WDR7: variants seen among roughly 807,000 people sequenced by gnomAD.
WDR7 encodes WD repeat domain 7.
In WDR7, 46 loss-of-function variants were observed where a neutral mutation model predicts 169.4. That is an observed-to-expected ratio of 0.27 (90% CI 0.21 to 0.35). WDR7 has a LOEUF of 0.35. Ranked by LOEUF, WDR7 falls within the 10% of genes least tolerant of loss-of-function variation. The pLI, the probability that WDR7 is intolerant of heterozygous loss-of-function variation, is 1.00. For missense variants in WDR7, 1,534 were observed against 1,859.3 expected, an observed-to-expected ratio of 0.83 and a Z score of 3.22; for synonymous variants, 612 against 666.8, an observed-to-expected ratio of 0.92 and a Z score of 1.27.
intron 26 of WDR7, among the ~76,000 whole-genome samples, chr18:56,967,478 A>C (rs1013043546): frequency 2.0e-5 from 3 of 152,086 alleles, no homozygotes. Flanking sequence ...TGCTAAGCAG[A>C]TGAATTAGGG....
chr18:57,027,148 T>A lies in WDR7; in HGVS notation c.4414T>A (p.Ser1472Thr). ...ALKLARLIWT[S>T]NRNVILMAHD... ...CAAGCTGGCCCGGCTCATCTGGACT[T>A]CCAACCGCAACGTCATCCTCATGGC... The change falls in exon 28 of 28, where the codon TCC becomes ACC. Residue 1472 changes from serine to threonine, a missense_variant. By Grantham distance (58) the Ser-to-Thr change is moderately conservative (BLOSUM62 1). Transcript: ENST00000254442. 2.4e-5 allele frequency: 39 copies of A among 1,614,170 alleles called. No individual in the cohort carries two copies. Among genetic ancestry groups the A allele is most frequent in the Non-Finnish European group, 3.1e-5 (37 of 1,180,024 alleles).
chr18:56,976,618 C>T (rs1253479865), intron 26 of WDR7, among the ~76,000 whole-genome samples: 1 of 152,166 alleles, frequency 6.6e-6, no homozygotes, highest in South Asian at 2.1e-4. Flanking sequence ...GCAGGACCAC[C>T]TCAGGGTACA....
At chr18:56,785,689 A>G (rs116962680) in intron 19 of WDR7, among the ~76,000 whole-genome samples, 1 of 152,318 alleles carries the variant, frequency 6.6e-6, no homozygotes, top group Non-Finnish European at 1.5e-5. Context: ...CTAAGATGAT[A>G]AAGCATCTGG....
intron 19 of WDR7, among the ~76,000 whole-genome samples, chr18:56,798,892 G>T (rs990436156): frequency 1.3e-5 from 2 of 152,130 alleles, no homozygotes; most frequent in East Asian, 1.9e-4. Flanking sequence ...AATAATAAAA[G>T]ATTAAAACAA....
chr18:56,768,625 A>C (rs573776423), intron 16 of WDR7, among the ~76,000 whole-genome samples: 3 of 152,222 alleles, frequency 2.0e-5, no homozygotes, highest in Admixed American at 1.3e-4. Flanking sequence ...GTTGTCTAAT[A>C]TTTCAGCAGT....
chr18:56,939,979 G>C (rs1024083295), intron 25 of WDR7, among the ~76,000 whole-genome samples: 1 of 151,302 alleles, frequency 6.6e-6, no homozygotes, highest in African/African-American at 2.4e-5. Context: ...TAGCATGAAG[G>C]GGTATTTTTA....
intron 20 of WDR7, among the ~76,000 whole-genome samples, chr18:56,837,111 C>T (rs2045408110): frequency 6.6e-6 from 1 of 152,188 alleles, no homozygotes; most frequent in Admixed American, 6.5e-5. Flanking sequence ...AAAAGTCACT[C>T]ACATTTTAAC....
chr18:56,922,424 A>T (rs1446938793), intron 21 of WDR7, among the ~76,000 whole-genome samples: 1 of 152,240 alleles, frequency 6.6e-6, no homozygotes, highest in Non-Finnish European at 1.5e-5. Flanking sequence ...GGCAGAAAAT[A>T]GAAAAATGTG....
intron 20 of WDR7, among the ~76,000 whole-genome samples, chr18:56,831,870 A>G (rs948906710): frequency 6.6e-6 from 1 of 152,060 alleles, no homozygotes; most frequent in East Asian, 1.9e-4. Context: ...GTGTGCCTAC[A>G]CCACCAGGGC....
chr18:57,001,926 G>A (rs1310534984), intron 26 of WDR7, among the ~76,000 whole-genome samples: 1 of 151,988 alleles, frequency 6.6e-6, no homozygotes, highest in African/African-American at 2.4e-5. Context: ...ACCCTAACTA[G>A]AAAACTGGGC....
intron 19 of WDR7, among the ~76,000 whole-genome samples, chr18:56,811,072 G>A (rs2044860477): frequency 6.6e-6 from 1 of 152,110 alleles, no homozygotes. Context: ...CTTTTATTTA[G>A]CGTTAAAATT....
At chr18:56,805,344 C>T (rs1037151328) in intron 19 of WDR7, among the ~76,000 whole-genome samples, 1 of 152,122 alleles carries the variant, frequency 6.6e-6, no homozygotes, top group Admixed American at 6.6e-5. Flanking sequence ...GATCACTTCC[C>T]CAGAATCGGG....
chr18:56,740,329 G>A (rs958231195), intron 14 of WDR7, among the ~76,000 whole-genome samples: 12 of 151,412 alleles, frequency 7.9e-5, no homozygotes, highest in South Asian at 6.3e-4. Context: ...ATATTTTCTT[G>A]AACATATTAA....
rs2917652 is a variant in WDR7, at chr18:57,024,646, T to C, written c.4270-2358T>C. Among the ~76,000 whole-genome samples, 26 of 102,338 alleles carry C rather than the reference T, an allele frequency of 2.5e-4. 1 individual carries two copies. The highest frequency in any genetic ancestry group is 6.0e-4 in the East Asian group (2 of 3,326). 67.1% of individuals were successfully genotyped at this position (102,338 alleles called of 152,430 possible). A position where few individuals can be genotyped will look rare whatever the true frequency, so the allele number is the denominator to read the frequency against. ...TGAGCTATGATAGTTATGTCCCTTA[T>C]AGAATTTCACATATCCCTATTCTCA... On this transcript the variant is annotated intron_variant, in intron 27 of 27. Transcript: ENST00000254442.
chr18:56,652,888 A>C (rs1174228676), intron 1 of WDR7, among the ~76,000 whole-genome samples: 1 of 152,196 alleles, frequency 6.6e-6, no homozygotes, highest in Non-Finnish European at 1.5e-5. Context: ...CCCTGTAAGA[A>C]TTTAACTTAA....
intron 26 of WDR7, among the ~76,000 whole-genome samples, chr18:56,973,874 C>T (rs2047526377): frequency 6.6e-6 from 1 of 152,104 alleles, no homozygotes; most frequent in African/African-American, 2.4e-5. Context: ...GACCTCAGCC[C>T]CAGAAGTCGG....
chr18:56,797,367 A>C (rs2044601874), intron 19 of WDR7, among the ~76,000 whole-genome samples: 1 of 152,026 alleles, frequency 6.6e-6, no homozygotes, highest in Admixed American at 6.6e-5. Context: ...ATAACAACAA[A>C]CCCACCTTCT....
At chr18:56,740,458 T>C (rs2043600968) in intron 14 of WDR7, among the ~76,000 whole-genome samples, 3 of 152,086 alleles carry the variant, frequency 2.0e-5, no homozygotes, top group Admixed American at 2.0e-4. Context: ...GTAGTAATTT[T>C]TTGTTAAATA....
chr18:56,933,525 A>T (rs1599170014), intron 22 of WDR7, among the ~76,000 whole-genome samples: 1 of 152,238 alleles, frequency 6.6e-6, no homozygotes, highest in South Asian at 2.1e-4. Flanking sequence ...TCAAACCATT[A>T]TTAATATTGA....
Sources: allele counts gnomAD v4.1 joint callset (sites outside exome capture counted in the v4.1 genomes callset), GRCh38; gene constraint gnomAD v4.1.1; transcripts MANE v1.5; gene names NCBI Gene and HGNC (gene_info 2026-07-23, HGNC 2026-07-21).